FN1: variants seen among roughly 807,000 people sequenced by gnomAD.
FN1 encodes the protein fibronectin.
FN1 carries 106 observed loss-of-function variants against 297.3 expected under a neutral mutation model. The ratio of observed to expected loss-of-function variants is 0.36; its 90% CI spans 0.30 to 0.42. The LOEUF (loss-of-function observed/expected upper bound fraction) is 0.42, where lower values mean the gene tolerates loss of function less well. Among genes scored for constraint, FN1 ranks in the 10% least tolerant of loss-of-function variants. FN1 has a pLI of 1.00. For missense variants in FN1, 2,690 were observed against 3,124.9 expected (o/e 0.86, Z 3.32); for synonymous variants, 1,149 against 1,152.6 (o/e 1.00, Z 0.06).
chr2:215,419,732 A>C (rs2063954999), intron 11 of FN1, among the ~76,000 whole-genome samples: 1 of 152,214 alleles, frequency 6.6e-6, no homozygotes, highest in African/African-American at 2.4e-5. Context: ...TTAACATTTA[A>C]ATAGCAAGAA....
chr2:215,427,573 T>C (rs1423475287), intron 6 of FN1, among the ~76,000 whole-genome samples: 1 of 152,228 alleles, frequency 6.6e-6, no homozygotes, highest in Non-Finnish European at 1.5e-5. Flanking sequence ...AAGTCCTCTC[T>C]GAATTTCTAA....
intron 20 of FN1, among the ~76,000 whole-genome samples, chr2:215,402,344 C>G (rs990301632): frequency 2.0e-5 from 3 of 152,128 alleles, no homozygotes; most frequent in African/African-American, 7.2e-5. Context: ...TCTGGCAGGT[C>G]TTGTTAGGGA....
At chr2:215,383,162 GC>G (rs1197568287) in intron 31 of FN1, among the ~76,000 whole-genome samples, 165 bp downstream of exon 31, 3 of 152,036 alleles carry the variant, frequency 2.0e-5, no homozygotes, top group Admixed American at 2.0e-4. Flanking sequence ...AAGCCACCAT[GC>G]CCAGCTAATT....
intron 34 of FN1, among the ~76,000 whole-genome samples, 172 bp downstream of exon 34, chr2:215,378,958 G>A (rs1467457045): frequency 2.0e-5 from 3 of 152,120 alleles, no homozygotes; most frequent in African/African-American, 7.2e-5. Context: ...TAGTCATCTG[G>A]AAAACTTAGG....
chr2:215,419,309 T>C lies in FN1; in HGVS notation c.1752A>G (p.Arg584=). Residue 584 remains arginine (R), a synonymous_variant, in exon 12 of 46, where the codon AGA becomes AGG. Transcript: ENST00000354785. The part of the protein sequence containing the change: ...DSWEKYVHGV[R]YQCYCYGRGI... ...CACGGCCATAGCAGTAGCACTGGTA[T>C]CTGACACCATGCACATACTTCTCCC... The C allele has an allele frequency of 6.2e-7, 1 of 1,613,468 alleles. No individual in the cohort carries two copies.
Position 215,361,645 on chromosome 2 carries a change from GA to G in FN1, c.7363-20del, listed in dbSNP as rs752005289. On this transcript the variant is annotated intron_variant, in intron 45 of 45. Transcript: ENST00000354785. Reference sequence around the variant, plus strand: ...TAACATTCTGTTAAAAAGGAAGAAGGAAAAAAAAATTAGTGGCAAATACTGT... The same window carrying G: ...TAACATTCTGTTAAAAAGGAAGAAGGAAAAAAAATTAGTGGCAAATACTGT... The G allele has an allele frequency of 8.2e-5, 130 of 1,578,678 alleles. No individual in the cohort carries two copies. The highest frequency in any genetic ancestry group is 3.4e-4 in the Middle Eastern group (2 of 5,954).
intron 13 of FN1, among the ~76,000 whole-genome samples, chr2:215,413,291 G>C (rs1244200457): frequency 6.6e-6 from 1 of 152,132 alleles, no homozygotes; most frequent in East Asian, 1.9e-4. Flanking sequence ...GCTAATTTTT[G>C]TATTTTTAGT....
At position 215,370,416 on chromosome 2, in the gene FN1, G is replaced by A; in HGVS notation, c.6731C>T (p.Thr2244Ile). 6.2e-7 allele frequency: 1 copy of A among 1,613,912 alleles called. No individual in the cohort carries two copies. Residue 2244 changes from threonine to isoleucine, a missense_variant, in exon 41 of 46, where the codon ACT becomes ATT. This residue lies in a region of FN1 where 1,743 missense variants were observed against 1,945.2 expected (regional missense o/e 0.90). Coordinates refer to ENST00000354785, the MANE Select transcript of FN1 (RefSeq NM_212482.4). ...EEPLQFRVPG[T>I]STSATLTGLT... ...GCCTGTCAGAGTGGCACTGGTAGAAGTTCCAGGAACCCTGAACTGCAATTA... is the reference window on the plus strand; with the variant it reads ...GCCTGTCAGAGTGGCACTGGTAGAAATTCCAGGAACCCTGAACTGCAATTA...
intron 36 of FN1, 92 bp downstream of exon 36, chr2:215,376,406 T>C: frequency 8.6e-7 from 1 of 1,162,392 alleles, no homozygotes; most frequent in South Asian, 1.2e-5. Flanking sequence ...TGAAAATAAA[T>C]TTTATCAGTG....
chr2:215,397,877 A>C (rs2060493189), intron 21 of FN1, 29 bp from the exon 22 acceptor site: 2 of 1,606,722 alleles, frequency 1.2e-6, no homozygotes, highest in African/African-American at 1.3e-5. Flanking sequence ...AGTAAACACC[A>C]AGGACAAATA....
intron 2 of FN1, among the ~76,000 whole-genome samples, chr2:215,434,293 T>C (rs1321712614): frequency 6.6e-6 from 1 of 152,216 alleles, no homozygotes; most frequent in Non-Finnish European, 1.5e-5. Context: ...TGGTTTTGTG[T>C]TAACTGCCGC....
chr2:215,433,248 C>G, intron 3 of FN1, 76 bp downstream of exon 3: 3 of 1,573,898 alleles, frequency 1.9e-6, no homozygotes, highest in Non-Finnish European at 2.6e-6. Context: ...TCATGGATAA[C>G]AGAAAATGAC....
chr2:215,400,751 CAAAAAAAAAAAAAAA>C (rs1175226865), intron 20 of FN1, among the ~76,000 whole-genome samples: 2 of 56,218 alleles, frequency 3.6e-5, no homozygotes, highest in Non-Finnish European at 5.6e-5. Context: ...GGCTCCATCT[CAAAAAAAAAAAAAAA>C]AAAAAAAAAG....
chr2:215,435,349 T>C (rs1388123586), intron 1 of FN1, among the ~76,000 whole-genome samples: 1 of 152,170 alleles, frequency 6.6e-6, no homozygotes, highest in Non-Finnish European at 1.5e-5. Flanking sequence ...TTTATAGACA[T>C]GCATCATTTT....
chr2:215,413,281 G>A (rs998981886), intron 13 of FN1, among the ~76,000 whole-genome samples: 1 of 152,080 alleles, frequency 6.6e-6, no homozygotes, highest in Non-Finnish European at 1.5e-5. Flanking sequence ...CCCAAGCCTG[G>A]CTAATTTTTG....
At chr2:215,403,262 T>C (rs2061363601) in intron 20 of FN1, among the ~76,000 whole-genome samples, 1 of 152,206 alleles carries the variant, frequency 6.6e-6, no homozygotes, top group African/African-American at 2.4e-5. Context: ...GAAAAAGCCT[T>C]CATGAGCCAA....
chr2:215,381,485 T>G (rs1172465271), intron 32 of FN1: 2 of 309,840 alleles, frequency 6.5e-6, no homozygotes, highest in South Asian at 2.9e-5. Flanking sequence ...TTGTTTTGTT[T>G]TTTTTTGAGA....
intron 42 of FN1, among the ~76,000 whole-genome samples, chr2:215,366,956 T>C (rs926996448): frequency 1.3e-5 from 2 of 152,234 alleles, no homozygotes; most frequent in Non-Finnish European, 2.9e-5. Flanking sequence ...GAAGTCTATA[T>C]TGAAAACACT....
At chr2:215,398,643 G>A (rs1525351) in intron 21 of FN1, among the ~76,000 whole-genome samples, 88,528 of 152,052 alleles carry the variant, frequency 0.58, 26,198 homozygotes, top group East Asian at 0.93. Flanking sequence ...GATTTCCAGC[G>A]ATAACAAATA....
Sources: gnomAD v4.1 joint callset for allele counts (sites outside exome capture counted in the v4.1 genomes callset) on GRCh38, gnomAD v4.1.1 for gene constraint, gnomAD v4.1.1 regional missense constraint, MANE v1.5 for transcripts, NCBI Gene and HGNC (gene_info 2026-07-23, HGNC 2026-07-21) for gene names.